BACE2: variants seen among roughly 807,000 people sequenced by gnomAD.
BACE2 encodes beta-secretase 2.
BACE2 carries 17 observed loss-of-function variants against 46.2 expected under a neutral mutation model. The observed-to-expected ratio is 0.37, with a 90% confidence interval of 0.25 to 0.55. The LOEUF is 0.55. Among genes scored for constraint, BACE2 ranks in the 20% least tolerant of loss-of-function variants. The pLI is 0.82. For synonymous variants in BACE2, 277 were observed against 295.9 expected (o/e 0.94, Z 0.66); for missense variants, 595 against 698.1 (o/e 0.85, Z 1.66).
At position 41,278,051 on chromosome 21, in the gene BACE2, T is replaced by C. The variant is rs983012712; in HGVS notation, c.*2427T>C. 6.6e-6 allele frequency: 1 copy of C among 152,226 alleles called. No homozygotes were observed. Among genetic ancestry groups the C allele is most frequent in the African/African-American group, 2.4e-5 (1 of 41,454 alleles). The allele number at this position is 152,226 out of a possible 1,614,324, so 9.4% of individuals were successfully genotyped here. On this transcript the variant is annotated 3_prime_UTR_variant, in exon 9 of 9. Coordinates refer to ENST00000330333, the MANE Select transcript of BACE2 (RefSeq NM_012105.5). ...CAGTTATGCAAATTGATGCTTAGCT[T>C]GGCAAGCTTTCAAGGAGGTTTGCTT...
chr21:41,268,940 T>TTCTTC (rs927740287), intron 8 of BACE2, among the ~76,000 whole-genome samples: 22 of 152,218 alleles, frequency 1.4e-4, no homozygotes, highest in Admixed American at 8.5e-4. Context: ...TTTTTCTTTT[T>TTCTTC]TCTTCTCTTC....
intron 1 of BACE2, among the ~76,000 whole-genome samples, chr21:41,169,167 C>A (rs1984504136): frequency 6.6e-6 from 1 of 151,954 alleles, no homozygotes. Context: ...CCCCTGCGCC[C>A]GCTTTCCTTT....
intron 1 of BACE2, among the ~76,000 whole-genome samples, chr21:41,198,714 T>G (rs1371954447): frequency 1.3e-5 from 2 of 152,164 alleles, no homozygotes; most frequent in African/African-American, 4.8e-5. Context: ...CCCTTTTTTT[T>G]GTTTTGTTTT....
At position 41,275,495 on chromosome 21, in the gene BACE2, G is replaced by T. The variant is rs2088476415; in HGVS notation, c.1428G>T (p.Met476Ile). ...TGTGGATTGTGTCCTATGCGCTCATGAGCGTCTGTGGAGCCATCCTCCTTG... is the reference window on the plus strand; with the variant it reads ...TGTGGATTGTGTCCTATGCGCTCATTAGCGTCTGTGGAGCCATCCTCCTTG... ...PILWIVSYAL[M>I]SVCGAILLVL... is the part of the protein sequence containing the mutation. Residue 476 changes from methionine to isoleucine, a missense_variant, in exon 9 of 9, where the codon ATG becomes ATT. By Grantham distance (10) the Met-to-Ile change is conservative. Transcript: ENST00000330333. 4 of 1,614,016 alleles carry T rather than the reference G, an allele frequency of 2.5e-6. No homozygotes were observed. The highest frequency in any genetic ancestry group is 3.4e-6 in the Non-Finnish European group (4 of 1,180,030).
chr21:41,241,608 G>A (rs894163161), intron 3 of BACE2: 5 of 543,644 alleles, frequency 9.2e-6, no homozygotes, highest in Non-Finnish European at 1.6e-5. Flanking sequence ...GTACAACAGA[G>A]CCGTGCCCAA....
intron 7 of BACE2, among the ~76,000 whole-genome samples, chr21:41,251,294 C>T (rs1987630178): frequency 2.0e-5 from 3 of 152,190 alleles, no homozygotes; most frequent in Admixed American, 2.0e-4. Flanking sequence ...GAAGTGTCAG[C>T]CCAGAACTAG....
At chr21:41,250,033 C>T (rs763092410) in intron 6 of BACE2, among the ~76,000 whole-genome samples, 4 of 152,130 alleles carry the variant, frequency 2.6e-5, no homozygotes, top group Non-Finnish European at 4.4e-5. Flanking sequence ...AGGGCTGCAG[C>T]GGGGGCCAGG....
chr21:41,211,033 G>T (rs1164318579), intron 1 of BACE2, among the ~76,000 whole-genome samples: 1 of 152,096 alleles, frequency 6.6e-6, no homozygotes, highest in East Asian at 1.9e-4. Flanking sequence ...TTATAAGAAG[G>T]TATTCTTTTC....
intron 8 of BACE2, among the ~76,000 whole-genome samples, chr21:41,267,106 C>G (rs1601322247): frequency 1.3e-5 from 2 of 152,236 alleles, no homozygotes; most frequent in Non-Finnish European, 2.9e-5. Context: ...GGTCAACATC[C>G]TCACGCCCTT....
intron 1 of BACE2, among the ~76,000 whole-genome samples, chr21:41,208,651 A>G (rs1986205611): frequency 6.6e-6 from 1 of 152,150 alleles, no homozygotes; most frequent in South Asian, 2.1e-4. Flanking sequence ...TGCAGGGGGC[A>G]GGATGGCAGG....
At chr21:41,181,305 G>A (rs753992047) in intron 1 of BACE2, 15 of 167,084 alleles carry the variant, frequency 9.0e-5, no homozygotes, top group Non-Finnish European at 1.6e-4. Flanking sequence ...GCCCTGCGGG[G>A]TGCGATGTTT....
chr21:41,268,562 C>T (rs945141882), intron 8 of BACE2, among the ~76,000 whole-genome samples: 17 of 152,172 alleles, frequency 1.1e-4, no homozygotes, highest in African/African-American at 4.1e-4. Flanking sequence ...CCATCTTAAA[C>T]TGGCGCTGTT....
At chr21:41,215,407 G>T (rs1302005480) in intron 1 of BACE2, among the ~76,000 whole-genome samples, 1 of 152,104 alleles carries the variant, frequency 6.6e-6, no homozygotes, top group Non-Finnish European at 1.5e-5. Context: ...ACTCTGCAGG[G>T]GCCAGGACAC....
chr21:41,243,568 T>C, intron 5 of BACE2, 58 bp downstream of exon 5: 2 of 1,504,704 alleles, frequency 1.3e-6, no homozygotes, highest in Non-Finnish European at 1.8e-6. Context: ...CCCTTAAATA[T>C]GCCAGCTGGA....
chr21:41,267,287 C>T (rs1463743302), intron 8 of BACE2, among the ~76,000 whole-genome samples: 1 of 152,150 alleles, frequency 6.6e-6, no homozygotes, highest in Non-Finnish European at 1.5e-5. Context: ...TGTGTTATGG[C>T]TCGGGCCAGC....
chr21:41,169,403 A>G (rs1423097603), intron 1 of BACE2, among the ~76,000 whole-genome samples: 1 of 151,812 alleles, frequency 6.6e-6, no homozygotes, highest in Admixed American at 6.6e-5. Flanking sequence ...TTCATTTACT[A>G]ACACTTTTTG....
rs779233833 is a variant in BACE2, at chr21:41,241,845, C to T, written c.645C>T (p.Phe215=). ...CATCAAGTTCTCTGGAGACCTTCTT[C>T]GACTCCCTGGTGACACAAGCAAACA... ...AKPSSSLETF[F]DSLVTQANIP... The change falls in exon 4 of 9, where the codon TTC becomes TTT. Residue 215 remains phenylalanine (F), a synonymous_variant. Transcript: ENST00000330333. 21 of 1,614,024 alleles carry T rather than the reference C, an allele frequency of 1.3e-5. No individual in the cohort carries two copies. The South Asian group carries it at 1.8e-4, about 14-fold the overall frequency.
At chr21:41,179,001 G>T in intron 1 of BACE2, 1 of 904,514 alleles carries the variant, frequency 1.1e-6, no homozygotes, top group Non-Finnish European at 1.5e-6. Context: ...TTGGCTTGAG[G>T]AGGACTGAGC....
In BACE2 at chr21:41,245,968, G is replaced by T; in HGVS notation, c.889G>T (p.Ala297Ser). Residue 297 changes from alanine (A) to serine (S), a missense_variant, in exon 6 of 9, where the codon GCA (alanine) becomes TCA (serine). By Grantham distance (99) the Ala-to-Ser change is moderately conservative (BLOSUM62 1). This residue lies in a region of BACE2 where 343 missense variants were observed against 419.4 expected (regional missense o/e 0.82). Coordinates refer to ENST00000330333, the MANE Select transcript of BACE2 (RefSeq NM_012105.5). ...CTTTCTCTCCCGGTTCAAGTATAACGCAGACAAGGCCATCGTGGACAGTGG... is the reference window on the plus strand; with the variant it reads ...CTTTCTCTCCCGGTTCAAGTATAACTCAGACAAGGCCATCGTGGACAGTGG... ...SLNLDCREYN[A>S]DKAIVDSGTT... 1 of 1,608,138 alleles carries T rather than the reference G, an allele frequency of 6.2e-7. No individual in the cohort carries two copies. The highest frequency in any genetic ancestry group is 8.5e-7 in the Non-Finnish European group (1 of 1,177,196).
Sources: allele counts gnomAD v4.1 joint callset (sites outside exome capture counted in the v4.1 genomes callset), GRCh38; gene constraint gnomAD v4.1.1; regional missense constraint gnomAD v4.1.1; transcripts MANE v1.5; gene names NCBI Gene and HGNC (gene_info 2026-07-23, HGNC 2026-07-21).